Variants in SNTG2 observed in about 807,000 individuals in gnomAD.
The protein encoded by SNTG2 is gamma-2-syntrophin.
Under a neutral mutation model 70.9 loss-of-function variants are expected in SNTG2, and 74 were observed. The observed-to-expected ratio is 1.04, with a 90% CI of 0.86 to 1.27. The LOEUF is 1.27. Among genes scored for constraint, SNTG2 ranks in the 50% most tolerant of loss-of-function variants. The pLI, the probability that SNTG2 is intolerant of heterozygous loss-of-function variation, is 0.00. For synonymous variants in SNTG2, 278 were observed against 273.8 expected, an observed-to-expected ratio of 1.02 and a Z score of -0.15; for missense variants, 717 against 690.7, an observed-to-expected ratio of 1.04 and a Z score of -0.43.
intron 16 of SNTG2, among the ~76,000 whole-genome samples, chr2:1,347,558 C>G (rs1354934222): frequency 6.6e-6 from 1 of 152,266 alleles, no homozygotes; most frequent in Non-Finnish European, 1.5e-5. Flanking sequence ...AAGTCCCTGT[C>G]TCTCTCCATG....
chr2:1,080,283 T>G (rs148738286), intron 1 of SNTG2, among the ~76,000 whole-genome samples: 15 of 152,346 alleles, frequency 9.8e-5, no homozygotes, highest in African/African-American at 3.4e-4. Context: ...CAGGATGATA[T>G]GGCCTCTGTA....
intron 4 of SNTG2, among the ~76,000 whole-genome samples, chr2:1,122,596 C>T (rs1176021286): frequency 1.3e-5 from 2 of 151,990 alleles, no homozygotes; most frequent in African/African-American, 4.8e-5. Flanking sequence ...ATGAAAAATT[C>T]CTAGCTAGCA....
intron 1 of SNTG2, among the ~76,000 whole-genome samples, chr2:1,019,997 C>G (rs565077187): frequency 1.3e-5 from 2 of 152,120 alleles, no homozygotes; most frequent in African/African-American, 4.8e-5. Flanking sequence ...GAGCTGAGAT[C>G]GTGCCACTGC....
chr2:1,287,699 G>A (rs938385133), intron 14 of SNTG2, among the ~76,000 whole-genome samples: 3 of 152,322 alleles, frequency 2.0e-5, no homozygotes, highest in South Asian at 2.1e-4. Context: ...TTGGAGGGCC[G>A]GGGCCACAGG....
At chr2:1,291,937 C>T (rs1052816708) in intron 14 of SNTG2, among the ~76,000 whole-genome samples, 2 of 152,076 alleles carry the variant, frequency 1.3e-5, no homozygotes, top group African/African-American at 2.4e-5. Flanking sequence ...TATGGACATC[C>T]GAACATCATT....
At chr2:1,119,939 TC>T (rs200054006) in intron 4 of SNTG2, among the ~76,000 whole-genome samples, 1,958 of 152,256 alleles carry the variant, frequency 0.013, 34 homozygotes, top group African/African-American at 0.042. Flanking sequence ...CATTGGTCAT[TC>T]TTTATCTATC....
At chr2:1,190,240 T>C (rs1461336090) in intron 8 of SNTG2, among the ~76,000 whole-genome samples, 2 of 151,982 alleles carry the variant, frequency 1.3e-5, no homozygotes, top group African/African-American at 2.4e-5. Context: ...AAGACCCTTA[T>C]ATAAAATGGT....
intron 8 of SNTG2, among the ~76,000 whole-genome samples, chr2:1,186,099 T>C (rs1487239181): frequency 6.6e-6 from 1 of 152,198 alleles, no homozygotes; most frequent in East Asian, 1.9e-4. Flanking sequence ...CCCCATATCA[T>C]AACTCTCAAG....
intron 1 of SNTG2, among the ~76,000 whole-genome samples, chr2:978,364 T>C (rs1660983476): frequency 6.6e-6 from 1 of 152,236 alleles, no homozygotes; most frequent in Admixed American, 6.5e-5. Flanking sequence ...TTAGAAATTA[T>C]TACTTTTCAT....
intron 1 of SNTG2, among the ~76,000 whole-genome samples, chr2:1,029,401 T>C (rs780005310): frequency 6.6e-6 from 1 of 152,178 alleles, no homozygotes; most frequent in Non-Finnish European, 1.5e-5. Context: ...AAATTCACAG[T>C]GTCAGGTTTT....
chr2:960,189 G>A (rs915087063), intron 1 of SNTG2, among the ~76,000 whole-genome samples: 5 of 152,148 alleles, frequency 3.3e-5, no homozygotes, highest in African/African-American at 9.7e-5. Context: ...CTGGAAAGCA[G>A]CACCTGTCCT....
At chr2:1,005,823 A>G (rs1207830234) in intron 1 of SNTG2, among the ~76,000 whole-genome samples, 1 of 5,764 alleles carries the variant, frequency 1.7e-4, no homozygotes, top group Non-Finnish European at 3.3e-4. Flanking sequence ...ATATATATAT[A>G]TATATATATA....
chr2:1,162,319 T>C (rs1198839172), intron 6 of SNTG2, among the ~76,000 whole-genome samples: 1 of 152,064 alleles, frequency 6.6e-6, no homozygotes, highest in Middle Eastern at 3.2e-3. Context: ...CTCAATGATT[T>C]CCAACAAGGA....
intron 1 of SNTG2, among the ~76,000 whole-genome samples, chr2:1,042,471 C>T (rs1275712787): frequency 2.0e-5 from 3 of 152,224 alleles, no homozygotes; most frequent in African/African-American, 7.2e-5. Context: ...TATTTTGTCA[C>T]TCAGGTAATA....
At chr2:1,000,205 A>G (rs1056684807) in intron 1 of SNTG2, among the ~76,000 whole-genome samples, 2 of 151,886 alleles carry the variant, frequency 1.3e-5, no homozygotes, top group Non-Finnish European at 2.9e-5. Flanking sequence ...TTAACAACCT[A>G]ACATTGCACA....
At position 1,237,884 on chromosome 2, in the gene SNTG2, C is replaced by T. The variant is rs775886824; in HGVS notation, c.720-4C>T. On this transcript the variant is annotated splice_region_variant and splice_polypyrimidine_tract_variant and intron_variant, in intron 9 of 16. Coordinates refer to ENST00000308624, the MANE Select transcript of SNTG2 (RefSeq NM_018968.4). ...GCCTCCTGGACAGCTCTCTCCCTCC[C>T]CAGGTGGAATGCGTTCGAGGTGCTC... 1.3e-5 allele frequency: 20 copies of T among 1,598,162 alleles called. No individual in the cohort carries two copies. Among genetic ancestry groups the T allele is most frequent in the Middle Eastern group, 3.3e-4 (2 of 6,050 alleles).
intron 1 of SNTG2, among the ~76,000 whole-genome samples, chr2:991,441 C>T (rs1034905215): frequency 8.7e-5 from 13 of 150,034 alleles, no homozygotes; most frequent in Non-Finnish European, 1.5e-4. Flanking sequence ...ACAAGGCAGG[C>T]TATAATTATT....
At chr2:1,017,132 T>G (rs920247082) in intron 1 of SNTG2, among the ~76,000 whole-genome samples, 1 of 152,190 alleles carries the variant, frequency 6.6e-6, no homozygotes, top group Non-Finnish European at 1.5e-5. Context: ...ACTCACCCTT[T>G]GCCTGGCATG....
intron 8 of SNTG2, among the ~76,000 whole-genome samples, chr2:1,182,754 T>C (rs1345510642): frequency 6.6e-6 from 1 of 152,116 alleles, no homozygotes; most frequent in Non-Finnish European, 1.5e-5. Flanking sequence ...TTTTTTTGTT[T>C]GTTTGTTTGC....
Sources: allele counts gnomAD v4.1 joint callset (sites outside exome capture counted in the v4.1 genomes callset), GRCh38; gene constraint gnomAD v4.1.1; transcripts MANE v1.5; gene names NCBI Gene and HGNC (gene_info 2026-07-23, HGNC 2026-07-21).